LDAH: variants seen among roughly 807,000 people sequenced by gnomAD.
LDAH encodes the protein lipid droplet-associated hydrolase.
LDAH carries 26 observed loss-of-function variants against 29.6 expected under a neutral mutation model. The observed-to-expected ratio is 0.88, with a 90% CI of 0.64 to 1.22. The LOEUF (loss-of-function observed/expected upper bound fraction) is 1.22, where lower values mean the gene tolerates loss of function less well. LDAH is among the 50% of genes most tolerant of loss of function. The pLI is 0.00. For missense variants in LDAH, 344 were observed against 387.3 expected, an observed-to-expected ratio of 0.89 and a Z score of 0.94; for synonymous variants, 117 against 133.0, an observed-to-expected ratio of 0.88 and a Z score of 0.83.
chr2:20,798,157 CTG>C (rs1195302519), intron 2 of LDAH, among the ~76,000 whole-genome samples: 1 of 152,186 alleles, frequency 6.6e-6, no homozygotes, highest in Non-Finnish European at 1.5e-5. Context: ...TTGCAGCATG[CTG>C]TGTTACTTCT....
chr2:20,807,363 A>G (rs912274774), intron 1 of LDAH, among the ~76,000 whole-genome samples: 1 of 152,124 alleles, frequency 6.6e-6, no homozygotes, highest in Non-Finnish European at 1.5e-5. Flanking sequence ...TTCCCAACTC[A>G]TTTTATGCAA....
intron 4 of LDAH, among the ~76,000 whole-genome samples, chr2:20,765,286 C>T (rs1328533149): frequency 6.6e-6 from 1 of 152,126 alleles, no homozygotes; most frequent in Non-Finnish European, 1.5e-5. Context: ...TTCCCTTGAC[C>T]AGCTTCTTCC....
In LDAH at chr2:20,794,630, G is replaced by A. The variant is rs371723176; in HGVS notation, c.155-4232C>T. The stretch of plus-strand genomic sequence containing the variant: ...ACATCATCCACCACATTAACCAACC[G>A]TAAAAGAAAAACCATACGATCCTCA... On this transcript the variant is annotated intron_variant, in intron 2 of 6. Coordinates refer to ENST00000237822, the MANE Select transcript of LDAH (RefSeq NM_021925.4). Among the ~76,000 whole-genome samples the A allele has an allele frequency of 7.2e-5, 11 of 152,090 alleles. No homozygotes were observed. In the East Asian group the frequency reaches 9.6e-4, roughly 13 times the overall value.
At chr2:20,779,266 A>T (rs1385544221) in intron 3 of LDAH, among the ~76,000 whole-genome samples, 2 of 152,152 alleles carry the variant, frequency 1.3e-5, no homozygotes, top group African/African-American at 2.4e-5. Context: ...TTCCTTGTGA[A>T]GCATGTTCTC....
chr2:20,768,493 G>A (rs555960206), intron 4 of LDAH, among the ~76,000 whole-genome samples: 22 of 152,296 alleles, frequency 1.4e-4, no homozygotes, highest in African/African-American at 5.3e-4. Context: ...ATGTCTGACT[G>A]TGCAGTGGCT....
At chr2:20,716,495 C>G (rs1414794812) in intron 5 of LDAH, among the ~76,000 whole-genome samples, 3 of 147,446 alleles carry the variant, frequency 2.0e-5, no homozygotes, top group African/African-American at 7.5e-5. Context: ...CCAAACACCA[C>G]ATGTTCTCAC....
At chr2:20,710,016 A>C (rs1664596177) in intron 5 of LDAH, among the ~76,000 whole-genome samples, 1 of 152,212 alleles carries the variant, frequency 6.6e-6, no homozygotes, top group African/African-American at 2.4e-5. Context: ...AGAAACTAGA[A>C]AGAGAAGAGC....
intron 1 of LDAH, among the ~76,000 whole-genome samples, chr2:20,807,802 G>A (rs948498498): frequency 6.6e-6 from 1 of 151,540 alleles, no homozygotes; most frequent in Non-Finnish European, 1.5e-5. Flanking sequence ...AGATATGGAG[G>A]TCTGCTATCA....
At chr2:20,706,038 A>T (rs1218121687) in intron 5 of LDAH, among the ~76,000 whole-genome samples, 1 of 152,204 alleles carries the variant, frequency 6.6e-6, no homozygotes. Context: ...AAGGAACTGA[A>T]ATTTCAATTT....
At chr2:20,693,124 A>G (rs1663158968) in intron 6 of LDAH, among the ~76,000 whole-genome samples, 1 of 152,146 alleles carries the variant, frequency 6.6e-6, no homozygotes, top group Admixed American at 6.5e-5. Context: ...CTGTAAAGTA[A>G]GACAGAACTA....
chr2:20,725,833 T>C (rs562304379), intron 5 of LDAH, among the ~76,000 whole-genome samples: 2 of 152,238 alleles, frequency 1.3e-5, no homozygotes, highest in Admixed American at 6.5e-5. Flanking sequence ...ATGTTAGACA[T>C]GAGGTCTAGA....
chr2:20,784,067 C>A (rs1027219911), intron 3 of LDAH, among the ~76,000 whole-genome samples: 6 of 152,306 alleles, frequency 3.9e-5, no homozygotes, highest in Non-Finnish European at 8.8e-5. Context: ...ACCACTCCAA[C>A]AATCTGTGTA....
At chr2:20,732,863 T>A (rs1231445168) in intron 5 of LDAH, among the ~76,000 whole-genome samples, 4 of 151,746 alleles carry the variant, frequency 2.6e-5, no homozygotes, top group Non-Finnish European at 4.4e-5. Context: ...TTCTCTATTG[T>A]TTTTGTTTTC....
intron 3 of LDAH, among the ~76,000 whole-genome samples, chr2:20,779,638 A>C (rs1055447374): frequency 7.9e-5 from 12 of 152,134 alleles, no homozygotes; most frequent in African/African-American, 2.9e-4. Flanking sequence ...GATGGGATAC[A>C]AAAAACAAAC....
At chr2:20,719,594 T>C (rs973955526) in intron 5 of LDAH, among the ~76,000 whole-genome samples, 8 of 152,022 alleles carry the variant, frequency 5.3e-5, no homozygotes, top group Admixed American at 3.9e-4. Context: ...CTTTAAAAAA[T>C]TGAAGAGGAG....
At chr2:20,722,992 T>C (rs1429626399) in intron 5 of LDAH, among the ~76,000 whole-genome samples, 1 of 152,152 alleles carries the variant, frequency 6.6e-6, no homozygotes, top group Non-Finnish European at 1.5e-5. Context: ...GCATTTCCTC[T>C]CTGGATGGAC....
At chr2:20,814,971 C>T (rs1400225744) in intron 1 of LDAH, among the ~76,000 whole-genome samples, 1 of 152,128 alleles carries the variant, frequency 6.6e-6, no homozygotes, top group East Asian at 1.9e-4. Flanking sequence ...ACAGAGATAA[C>T]TCTGCAGAGG....
intron 4 of LDAH, among the ~76,000 whole-genome samples, chr2:20,743,327 T>TA (rs1667334530): frequency 7.2e-6 from 1 of 139,318 alleles, no homozygotes; most frequent in East Asian, 2.0e-4. Context: ...TTTTTTTTTT[T>TA]ATTATACTTT....
At position 20,770,125 on chromosome 2, in the gene LDAH, T is replaced by C. The variant is rs924827482; in HGVS notation, c.468+4685A>G. On this transcript the variant is annotated intron_variant, in intron 4 of 6. Coordinates refer to ENST00000237822, the MANE Select transcript of LDAH (RefSeq NM_021925.4). ...TTAAATCACTAAGAAAAAATTCCTC[T>C]ATAGTCAATATGCATTGCTGAAGGC... 7.9e-5 allele frequency among the ~76,000 whole-genome samples: 12 copies of C among 152,316 alleles called. No homozygotes were observed. The South Asian group carries it at 2.5e-3, about 32-fold the overall frequency.
Sources: allele counts gnomAD v4.1 joint callset (sites outside exome capture counted in the v4.1 genomes callset), GRCh38; gene constraint gnomAD v4.1.1; transcripts MANE v1.5; gene names NCBI Gene and HGNC (gene_info 2026-07-23, HGNC 2026-07-21).